Variants in ZFR observed in about 807,000 individuals in gnomAD.
ZFR encodes zinc finger RNA binding protein.
Under a neutral mutation model 130.7 loss-of-function variants are expected in ZFR, and 19 were observed. That is an observed-to-expected ratio of 0.15 (90% CI 0.10 to 0.21). The LOEUF is 0.21. ZFR is among the 10% of genes least tolerant of loss of function. The pLI, the probability that ZFR is intolerant of heterozygous loss-of-function variation, is 1.00. For synonymous variants in ZFR, 466 were observed against 456.9 expected (o/e 1.02, Z -0.25); for missense variants, 872 against 1,321.5 (o/e 0.66, Z 5.27).
At chr5:32,389,725 G>C (rs963090454) in intron 12 of ZFR, among the ~76,000 whole-genome samples, 2 of 152,304 alleles carry the variant, frequency 1.3e-5, no homozygotes, top group African/African-American at 4.8e-5. Flanking sequence ...GGCATAAAAA[G>C]CTCCGTTCCC....
At chr5:32,363,854 T>C (rs936523782) in intron 19 of ZFR, 94 bp downstream of exon 19, 2 of 1,043,588 alleles carry the variant, frequency 1.9e-6, no homozygotes, top group African/African-American at 3.2e-5. Context: ...ACGAATATTA[T>C]ATAGTGACTT....
At position 32,357,832 on chromosome 5, in the gene ZFR, T is replaced by C. The variant is rs1036543992; in HGVS notation, c.3046-1893A>G. Reference sequence around the variant, plus strand: ...TTAGATGATTAGCCAGTTATCTCAATACCACTTTGCTGATGATTCATCTTT... The same window carrying C: ...TTAGATGATTAGCCAGTTATCTCAACACCACTTTGCTGATGATTCATCTTT... On this transcript the variant is annotated intron_variant, in intron 19 of 19. Transcript: ENST00000265069. Among the ~76,000 whole-genome samples the C allele has an allele frequency of 3.3e-5, 5 of 152,250 alleles. No individual in the cohort carries two copies. The South Asian group carries it at 6.2e-4, about 19-fold the overall frequency.
Position 32,354,654 on chromosome 5 carries a change from A to T in ZFR, c.*1106T>A, listed in dbSNP as rs1752267721. On this transcript the variant is annotated 3_prime_UTR_variant, in exon 20 of 20. Transcript: ENST00000265069. ...CCTTAGATAATTTTTTATCAGTAAT[A>T]CTTTATCAACCTCACTGTTAACAGA... is the stretch of plus-strand genomic sequence containing the variant. 1 of 152,614 alleles carries T rather than the reference A, an allele frequency of 6.6e-6. No homozygotes were observed. Among genetic ancestry groups the T allele is most frequent in the South Asian group, 2.1e-4 (1 of 4,830 alleles). The allele number at this position is 152,614 out of a possible 1,614,324, so 9.5% of individuals were successfully genotyped here.
Position 32,419,869 on chromosome 5 carries a change from T to C in ZFR, c.372A>G (p.Gln124=). ...TATDYGYTQR[Q]QEAPPPPPPA... is the part of the protein sequence containing the mutation. ...GGGGTGGTGGTGGTGGTGCTTCTTG[T>C]TGCCTCTGAGTATAACCATAGTCAG... The change falls in exon 3 of 20, where the codon CAA becomes CAG. Residue 124 remains glutamine (Q), a synonymous_variant. Transcript: ENST00000265069. 4.3e-6 allele frequency: 7 copies of C among 1,609,262 alleles called. No homozygotes were observed. Among genetic ancestry groups the C allele is most frequent in the South Asian group, 1.1e-5 (1 of 91,002 alleles).
At chr5:32,374,248 G>A (rs2111691283) in intron 17 of ZFR, among the ~76,000 whole-genome samples, 1 of 152,272 alleles carries the variant, frequency 6.6e-6, no homozygotes, top group South Asian at 2.1e-4. Flanking sequence ...GCTCACGCCT[G>A]TAATCCCAGC....
intron 15 of ZFR, among the ~76,000 whole-genome samples, chr5:32,382,165 T>A (rs991478455): frequency 2.0e-5 from 3 of 152,012 alleles, no homozygotes; most frequent in African/African-American, 7.3e-5. Context: ...TAGCTGGGTG[T>A]CGTGGCACAT....
rs1196079717 is a variant in ZFR, at chr5:32,444,710, C to T, written c.-52G>A. ...TGAACTCTCACCCGCTGCCTCCCTC[C>T]TCTGCCCCGCTCCTCCTCAGCGGAG... On this transcript the variant is annotated 5_prime_UTR_variant, in exon 1 of 20. Transcript: ENST00000265069. 9 of 1,497,680 alleles carry T rather than the reference C, an allele frequency of 6.0e-6. No homozygotes were observed. In the Admixed American group the frequency reaches 1.9e-4, roughly 32 times the overall value. The allele number at this position is 1,497,680 out of a possible 1,614,324, so 92.8% of individuals were successfully genotyped here.
At chr5:32,417,328 T>C (rs1464348011) in intron 4 of ZFR, among the ~76,000 whole-genome samples, 2 of 152,160 alleles carry the variant, frequency 1.3e-5, no homozygotes, top group Non-Finnish European at 2.9e-5. Context: ...AGGCTGTTTG[T>C]TGGCAGTATC....
Position 32,364,182 on chromosome 5 carries a change from A to C in ZFR, c.2929T>G (p.Ser977Ala), listed in dbSNP as rs1392458409. The C allele has an allele frequency of 6.2e-7, 1 of 1,612,026 alleles. No individual in the cohort carries two copies. The highest frequency in any genetic ancestry group is 2.2e-5 in the East Asian group (1 of 44,782). Residue 977 changes from serine (S) to alanine (A), a missense_variant, in exon 18 of 20, where the codon TCA (serine) becomes GCA (alanine). Coordinates refer to ENST00000265069, the MANE Select transcript of ZFR (RefSeq NM_016107.5). Reference protein sequence around the residue: ...ALRRVFECISSGIILKGSPGL... With the variant: ...ALRRVFECISAGIILKGSPGL... The stretch of plus-strand genomic sequence containing the variant: ...GAGTTACCTTTAAGAATAATCCCTG[A>C]AGAAATGCATTCAAAAACTCTTCTC...
rs1254367502 is a variant in ZFR at position 32,417,645 on chromosome 5, C to T, written c.565+3G>A. 1 of 1,612,246 alleles carries T rather than the reference C, an allele frequency of 6.2e-7. No homozygotes were observed. The highest frequency in any genetic ancestry group is 1.3e-5 in the African/African-American group (1 of 74,892). Reference sequence around the variant, plus strand: ...AGAAACTCTGTAGGTTAAGAAAACCCACCTGTCTGATAGTAAGTTTCAGCA... The same window carrying T: ...AGAAACTCTGTAGGTTAAGAAAACCTACCTGTCTGATAGTAAGTTTCAGCA... On this transcript the variant is annotated splice_donor_region_variant and intron_variant, in intron 4 of 19. Transcript: ENST00000265069.
chr5:32,383,409 A>G (rs113920604), intron 15 of ZFR, among the ~76,000 whole-genome samples: 4,030 of 152,304 alleles, frequency 0.026, 190 homozygotes, highest in African/African-American at 0.093. Context: ...TGCAGAAAAG[A>G]TTCTGTAGCA....
chr5:32,423,328 T>C (rs1753997621), intron 2 of ZFR, among the ~76,000 whole-genome samples: 1 of 151,948 alleles, frequency 6.6e-6, no homozygotes, highest in South Asian at 2.1e-4. Context: ...GACCCCTGTC[T>C]CAAAAAAAAT....
intron 3 of ZFR, among the ~76,000 whole-genome samples, chr5:32,418,077 G>C (rs1432085920): frequency 6.6e-6 from 1 of 152,040 alleles, no homozygotes; most frequent in Non-Finnish European, 1.5e-5. Context: ...TGGCTAACAC[G>C]GTGAGACCCC....
At chr5:32,414,792 G>A (rs927029311) in intron 5 of ZFR, among the ~76,000 whole-genome samples, 177 bp downstream of exon 5, 4 of 151,540 alleles carry the variant, frequency 2.6e-5, no homozygotes, top group Non-Finnish European at 5.9e-5. Context: ...TCCTCCCCAC[G>A]CCCCCAAAAA....
At chr5:32,444,458 G>A (rs1259838274) in intron 1 of ZFR, 130 bp from the exon 2 acceptor site, 5 of 1,280,446 alleles carry the variant, frequency 3.9e-6, no homozygotes, top group Non-Finnish European at 5.2e-6. Flanking sequence ...CCAGGCCGCG[G>A]CCGCGCCGCC....
At chr5:32,398,772 C>T (rs1289724470) in intron 9 of ZFR, among the ~76,000 whole-genome samples, 2 of 150,636 alleles carry the variant, frequency 1.3e-5, no homozygotes, top group Non-Finnish European at 3.0e-5. Flanking sequence ...CTGCAACCTC[C>T]ACCTCCCAGG....
intron 17 of ZFR, among the ~76,000 whole-genome samples, chr5:32,376,866 C>A (rs577091269): frequency 7.9e-5 from 12 of 151,632 alleles, no homozygotes; most frequent in Admixed American, 3.3e-4. Flanking sequence ...GTAATCCCAG[C>A]TACTTGGAAA....
At chr5:32,356,014 T>G in intron 19 of ZFR, 75 bp from the exon 20 acceptor site, 1 of 1,200,996 alleles carries the variant, frequency 8.3e-7, no homozygotes, top group Non-Finnish European at 1.1e-6. Flanking sequence ...TTTACCTCCC[T>G]CCAAATGCAA....
At chr5:32,373,775 T>A (rs1581683427) in intron 17 of ZFR, among the ~76,000 whole-genome samples, 1 of 152,156 alleles carries the variant, frequency 6.6e-6, no homozygotes, top group East Asian at 1.9e-4. Flanking sequence ...TGTTTTTTTT[T>A]AAAGTACCAA....
Sources: allele counts gnomAD v4.1 joint callset (sites outside exome capture counted in the v4.1 genomes callset), GRCh38; gene constraint gnomAD v4.1.1; transcripts MANE v1.5; gene names NCBI Gene and HGNC (gene_info 2026-07-23, HGNC 2026-07-21).